Variants in NELL1 observed in about 807,000 individuals in gnomAD.
The protein encoded by NELL1 is protein kinase C-binding protein NELL1.
In NELL1, 76 loss-of-function variants were observed where a neutral mutation model predicts 107.4. That is an observed-to-expected ratio of 0.71 (90% CI 0.59 to 0.86). The LOEUF (loss-of-function observed/expected upper bound fraction) is 0.86. NELL1 is among the 40% of genes least tolerant of loss of function. NELL1 has a pLI of 0.00. For missense variants in NELL1, 1,024 were observed against 1,005.5 expected, an observed-to-expected ratio of 1.02 and a Z score of -0.25; for synonymous variants, 353 against 341.2, an observed-to-expected ratio of 1.03 and a Z score of -0.38.
chr11:20,776,679 G>A (rs762111660), intron 2 of NELL1, among the ~76,000 whole-genome samples: 1 of 152,054 alleles, frequency 6.6e-6, no homozygotes, highest in Non-Finnish European at 1.5e-5. Flanking sequence ...GCTGCAGATG[G>A]GAGTGTACCA....
intron 12 of NELL1, among the ~76,000 whole-genome samples, chr11:20,975,732 A>G (rs924294431): frequency 3.4e-4 from 33 of 96,030 alleles, no homozygotes; most frequent in East Asian, 6.5e-4. Context: ...TGTATTATAT[A>G]ATGTATGTAT....
intron 2 of NELL1, among the ~76,000 whole-genome samples, chr11:20,720,139 G>T (rs567035569): frequency 2.2e-4 from 34 of 151,396 alleles, no homozygotes; most frequent in African/African-American, 8.0e-4. Flanking sequence ...GATACTACAA[G>T]CTCTGGAATT....
rs1431695181 is a variant in NELL1 at position 21,317,830 on chromosome 11, A to G, written c.1550-53023A>G. 1.4e-4 allele frequency among the ~76,000 whole-genome samples: 21 copies of G among 152,152 alleles called. 1 individual carries two copies. The highest frequency in any genetic ancestry group is 1.4e-3 in the Admixed American group (21 of 15,246). Reference sequence around the variant, plus strand: ...TATAGTCTCTGGGCTTCTGCTCAATAGATTATAAATCCAAAAGATTAGATC... The same window carrying G: ...TATAGTCTCTGGGCTTCTGCTCAATGGATTATAAATCCAAAAGATTAGATC... On this transcript the variant is annotated intron_variant, in intron 14 of 19. Coordinates refer to ENST00000357134, the MANE Select transcript of NELL1 (RefSeq NM_006157.5).
chr11:21,569,421 A>T (rs1857048007), intron 17 of NELL1, among the ~76,000 whole-genome samples: 1 of 151,808 alleles, frequency 6.6e-6, no homozygotes, highest in Non-Finnish European at 1.5e-5. Flanking sequence ...TGCACAATGC[A>T]TGACACAAGA....
At chr11:20,814,651 G>A (rs572695039) in intron 3 of NELL1, among the ~76,000 whole-genome samples, 39 of 152,026 alleles carry the variant, frequency 2.6e-4, no homozygotes, top group South Asian at 4.1e-4. Flanking sequence ...TTATGTCTGC[G>A]TAGTATTCCG....
intron 14 of NELL1, among the ~76,000 whole-genome samples, chr11:21,299,347 CT>C (rs1212929649): frequency 6.6e-6 from 1 of 151,920 alleles, no homozygotes; most frequent in Non-Finnish European, 1.5e-5. Context: ...CATTCTGCTC[CT>C]TCCAGGATCA....
intron 13 of NELL1, among the ~76,000 whole-genome samples, chr11:21,114,086 C>T (rs1337788773): frequency 6.6e-6 from 1 of 151,816 alleles, no homozygotes; most frequent in Non-Finnish European, 1.5e-5. Context: ...TACTTTGTTC[C>T]CACTGGGAAA....
At chr11:21,264,980 G>C (rs897797925) in intron 14 of NELL1, among the ~76,000 whole-genome samples, 1 of 151,954 alleles carries the variant, frequency 6.6e-6, no homozygotes, top group Non-Finnish European at 1.5e-5. Flanking sequence ...AGATAATTTA[G>C]AGTGGCATAG....
chr11:20,770,498 A>G (rs531510704), intron 2 of NELL1, among the ~76,000 whole-genome samples: 1 of 152,192 alleles, frequency 6.6e-6, no homozygotes, highest in Non-Finnish European at 1.5e-5. Flanking sequence ...GTCCTTCCTG[A>G]GCACAAGGTT....
At chr11:20,822,742 C>G (rs937470763) in intron 3 of NELL1, among the ~76,000 whole-genome samples, 1 of 152,076 alleles carries the variant, frequency 6.6e-6, no homozygotes, top group African/African-American at 2.4e-5. Flanking sequence ...TTCCAGTCAC[C>G]AGGAACAGTG....
intron 14 of NELL1, chr11:21,283,910 A>G: frequency 4.2e-6 from 1 of 238,960 alleles, no homozygotes; most frequent in Non-Finnish European, 8.4e-6. Context: ...TTTTTCTCAC[A>G]CAATTCCTCC....
intron 15 of NELL1, among the ~76,000 whole-genome samples, chr11:21,491,641 A>G (rs1854818317): frequency 6.6e-6 from 1 of 152,098 alleles, no homozygotes; most frequent in South Asian, 2.1e-4. Context: ...TGATGTCTCC[A>G]GCTTTGTTCT....
At chr11:21,403,930 C>T (rs766341515) in intron 15 of NELL1, among the ~76,000 whole-genome samples, 21 of 148,194 alleles carry the variant, frequency 1.4e-4, no homozygotes, top group Middle Eastern at 3.5e-3. Context: ...GCAGCTAGAG[C>T]GTTCCGTGAC....
chr11:21,366,284 A>G lies in NELL1; in HGVS notation c.1550-4569A>G, dbSNP rs77855758. Among the ~76,000 whole-genome samples the G allele has an allele frequency of 4.2e-3, 639 of 152,188 alleles. 6 individuals are homozygous for G. The highest frequency in any genetic ancestry group is 0.015 in the African/African-American group (611 of 41,522). On this transcript the variant is annotated intron_variant, in intron 14 of 19. Transcript: ENST00000357134. ...AAAGTGTCATTAAAGAAGTAAGGAAAACTGATAATGTCTGAAGTCAGCTCA... is the reference window on the plus strand; with the variant it reads ...AAAGTGTCATTAAAGAAGTAAGGAAGACTGATAATGTCTGAAGTCAGCTCA...
intron 15 of NELL1, among the ~76,000 whole-genome samples, chr11:21,388,588 A>T (rs1490714547): frequency 6.6e-6 from 1 of 151,862 alleles, no homozygotes; most frequent in East Asian, 1.9e-4. Context: ...CCCACAAAGA[A>T]ATACATTCAT....
intron 12 of NELL1, among the ~76,000 whole-genome samples, chr11:21,068,597 A>G (rs992297079): frequency 2.6e-5 from 4 of 152,198 alleles, no homozygotes; most frequent in Admixed American, 1.3e-4. Flanking sequence ...CTGAAAACAC[A>G]CATAATACTT....
At chr11:21,358,225 T>C (rs1161973126) in intron 14 of NELL1, among the ~76,000 whole-genome samples, 1 of 152,228 alleles carries the variant, frequency 6.6e-6, no homozygotes, top group African/African-American at 2.4e-5. Flanking sequence ...AATCTGTAGA[T>C]TACTTTTGGC....
At position 21,116,053 on chromosome 11, in the gene NELL1, A is replaced by G. The variant is rs186820676; in HGVS notation, c.1426+2339A>G. 2.0e-5 allele frequency among the ~76,000 whole-genome samples: 3 copies of G among 152,012 alleles called. No homozygotes were observed. In the East Asian group the frequency reaches 5.8e-4, roughly 30 times the overall value. On this transcript the variant is annotated intron_variant, in intron 13 of 19. Coordinates refer to ENST00000357134, the MANE Select transcript of NELL1 (RefSeq NM_006157.5). ...CTCACCTTACATTTATTCAGCTCAC[A>G]TATGCTCCTCACCTCTCTCCAGTCA...
intron 15 of NELL1, among the ~76,000 whole-genome samples, chr11:21,491,741 A>T (rs1224764342): frequency 5.9e-5 from 9 of 152,102 alleles, no homozygotes; most frequent in Non-Finnish European, 2.9e-5. Flanking sequence ...GAAGAAAGTC[A>T]TTGGTAGCTT....
Sources: gnomAD v4.1 joint callset for allele counts (sites outside exome capture counted in the v4.1 genomes callset) on GRCh38, gnomAD v4.1.1 for gene constraint, MANE v1.5 for transcripts, NCBI Gene and HGNC (gene_info 2026-07-23, HGNC 2026-07-21) for gene names.